The following RIMS1 variants were observed in gnomAD, a reference collection of about 807,000 sequenced individuals.
RIMS1 encodes regulating synaptic membrane exocytosis protein 1.
Under a neutral mutation model 214.1 loss-of-function variants are expected in RIMS1, and 83 were observed. The ratio of observed to expected loss-of-function variants is 0.39; its 90% CI spans 0.32 to 0.47. RIMS1 has a LOEUF of 0.47. Ranked by LOEUF, RIMS1 falls within the 20% of genes least tolerant of loss-of-function variation. RIMS1 has a pLI of 0.99. For synonymous variants in RIMS1, 793 were observed against 786.8 expected, an observed-to-expected ratio of 1.01 and a Z score of -0.13; for missense variants, 2,050 against 2,161.8, an observed-to-expected ratio of 0.95 and a Z score of 1.03.
chr6:72,307,745 TA>T (rs1401679575), intron 27 of RIMS1, among the ~76,000 whole-genome samples: 1 of 151,598 alleles, frequency 6.6e-6, no homozygotes, highest in Non-Finnish European at 1.5e-5. Flanking sequence ...AGACTCCATC[TA>T]AAAAAACAAA....
Position 72,242,336 on chromosome 6 carries a change from T to A in RIMS1, c.1980T>A (p.Asn660Lys). 6.4e-7 allele frequency: 1 copy of A among 1,564,850 alleles called. No homozygotes were observed. Among genetic ancestry groups the A allele is most frequent in the Non-Finnish European group, 8.7e-7 (1 of 1,152,600 alleles). Residue 660 changes from asparagine to lysine, a missense_variant, in exon 10 of 34, where the codon AAT (asparagine) becomes AAA (lysine). Physicochemically the swap from Asn to Lys is moderately conservative, Grantham distance 94. Transcript: ENST00000521978. ...AAGGGGATGAAGTTCTAGAATGGAATGGTAAACCCCTGCCGGGAGCTACAA... is the reference window on the plus strand; with the variant it reads ...AAGGGGATGAAGTTCTAGAATGGAAAGGTAAACCCCTGCCGGGAGCTACAA... Reference protein sequence around the residue: ...LRAGDEVLEWNGKPLPGATNE... With the variant: ...LRAGDEVLEWKGKPLPGATNE...
chr6:72,311,843 C>T (rs573478463), intron 27 of RIMS1, among the ~76,000 whole-genome samples: 9 of 152,128 alleles, frequency 5.9e-5, no homozygotes, highest in South Asian at 2.1e-4. Flanking sequence ...TGGCACCGTG[C>T]GCCTGTAGTC....
chr6:72,202,641 T>TGTA (rs1259377500), intron 6 of RIMS1, among the ~76,000 whole-genome samples: 2 of 152,212 alleles, frequency 1.3e-5, no homozygotes, highest in Non-Finnish European at 2.9e-5. Flanking sequence ...GACCAAGTCC[T>TGTA]GTAGATGTTT....
intron 4 of RIMS1, among the ~76,000 whole-genome samples, chr6:72,102,894 T>C (rs1344929729): frequency 6.6e-6 from 1 of 152,134 alleles, no homozygotes; most frequent in Non-Finnish European, 1.5e-5. Context: ...GAGTTATCCA[T>C]ATTTAGCTCA....
intron 1 of RIMS1, among the ~76,000 whole-genome samples, chr6:71,915,799 A>G (rs1778210438): frequency 6.6e-6 from 1 of 152,188 alleles, no homozygotes; most frequent in Non-Finnish European, 1.5e-5. Context: ...TATAAAGGAA[A>G]GAGGTTTGAT....
At chr6:72,333,570 T>G (rs988500217) in intron 28 of RIMS1, 30 bp from the exon 29 acceptor site, 1 of 1,450,932 alleles carries the variant, frequency 6.9e-7, no homozygotes, top group Non-Finnish European at 9.5e-7. Flanking sequence ...AATTTATGGA[T>G]GCATATATGT....
At chr6:72,199,592 G>A (rs1350073430) in intron 6 of RIMS1, among the ~76,000 whole-genome samples, 3 of 152,050 alleles carry the variant, frequency 2.0e-5, no homozygotes, top group Non-Finnish European at 4.4e-5. Context: ...GCTCTGGAGA[G>A]GGCAGAGGTG....
chr6:72,240,375 G>C (rs1470221057), intron 9 of RIMS1, among the ~76,000 whole-genome samples: 1 of 151,850 alleles, frequency 6.6e-6, no homozygotes, highest in Non-Finnish European at 1.5e-5. Flanking sequence ...TTAATCGTTT[G>C]CATCTACCAC....
chr6:72,130,274 A>T (rs1278372956), intron 4 of RIMS1, among the ~76,000 whole-genome samples: 1 of 152,142 alleles, frequency 6.6e-6, no homozygotes, highest in African/African-American at 2.4e-5. Context: ...GGTGTAAGCC[A>T]TTCCCAGCTA....
chr6:72,092,815 C>T (rs1836660889), intron 2 of RIMS1, among the ~76,000 whole-genome samples: 1 of 152,048 alleles, frequency 6.6e-6, no homozygotes, highest in African/African-American at 2.4e-5. Flanking sequence ...CTCCAAGATC[C>T]CCCATGGAGA....
intron 4 of RIMS1, among the ~76,000 whole-genome samples, chr6:72,154,393 T>C (rs1269260642): frequency 7.1e-6 from 1 of 140,312 alleles, no homozygotes; most frequent in East Asian, 2.0e-4. Flanking sequence ...AGGAAAAAGA[T>C]TCACCTGTCA....
intron 23 of RIMS1, among the ~76,000 whole-genome samples, chr6:72,282,467 A>C (rs1040946499): frequency 6.6e-6 from 1 of 152,080 alleles, no homozygotes; most frequent in African/African-American, 2.4e-5. Context: ...AGAGAGAGAG[A>C]GTCATCTGTT....
At chr6:71,900,711 A>G (rs1276413606) in intron 1 of RIMS1, among the ~76,000 whole-genome samples, 4 of 152,128 alleles carry the variant, frequency 2.6e-5, no homozygotes, top group Non-Finnish European at 5.9e-5. Flanking sequence ...GGTGGAAGAG[A>G]GATCCCAAAT....
In RIMS1 at chr6:72,400,848, A is replaced by G; in HGVS notation, c.*134A>G. Reference sequence around the variant, plus strand: ...TTTTGCCTGTAGTAGTTTTTCAATAATATGTCCCAATTGTTATTTAAAACA... The same window carrying G: ...TTTTGCCTGTAGTAGTTTTTCAATAGTATGTCCCAATTGTTATTTAAAACA... On this transcript the variant is annotated 3_prime_UTR_variant, in exon 34 of 34. Coordinates refer to ENST00000521978, the MANE Select transcript of RIMS1 (RefSeq NM_014989.7). The G allele has an allele frequency of 3.0e-6, 2 of 658,664 alleles. No individual in the cohort carries two copies. The highest frequency in any genetic ancestry group is 5.8e-5 in the Admixed American group (2 of 34,498). 40.8% of individuals were successfully genotyped at this position (658,664 alleles called of 1,614,324 possible).
chr6:72,069,635 T>G (rs1371522866), intron 2 of RIMS1, among the ~76,000 whole-genome samples: 1 of 152,238 alleles, frequency 6.6e-6, no homozygotes, highest in African/African-American at 2.4e-5. Context: ...TTACTCACCC[T>G]ATGATCTATA....
chr6:72,031,480 G>T (rs577188403), intron 2 of RIMS1, among the ~76,000 whole-genome samples: 1 of 152,194 alleles, frequency 6.6e-6, no homozygotes, highest in African/African-American at 2.4e-5. Flanking sequence ...TTGCAACTGG[G>T]ATTAAAAATA....
chr6:72,368,540 C>T (rs145811547), intron 29 of RIMS1, among the ~76,000 whole-genome samples: 2,425 of 151,684 alleles, frequency 0.016, 57 homozygotes, highest in African/African-American at 0.054. Context: ...GTGATCCACC[C>T]GCCTCGGCCT....
intron 9 of RIMS1, 61 bp downstream of exon 9, chr6:72,237,983 G>A: frequency 8.3e-7 from 1 of 1,202,114 alleles, no homozygotes; most frequent in Non-Finnish European, 1.2e-6. Context: ...ATGAATTGGT[G>A]GTTTTCAATT....
intron 4 of RIMS1, among the ~76,000 whole-genome samples, chr6:72,113,528 A>G (rs911697523): frequency 1.6e-4 from 25 of 152,160 alleles, no homozygotes; most frequent in African/African-American, 6.0e-4. Context: ...CCCTCTGCCA[A>G]TTGAATAACT....
Sources: allele counts gnomAD v4.1 joint callset (sites outside exome capture counted in the v4.1 genomes callset), GRCh38; gene constraint gnomAD v4.1.1; transcripts MANE v1.5; gene names NCBI Gene and HGNC (gene_info 2026-07-23, HGNC 2026-07-21).